The following CDH26 variants were observed in gnomAD, a reference collection of about 807,000 sequenced individuals.
The protein encoded by CDH26 is cadherin 26.
In CDH26, 83 loss-of-function variants were observed where a neutral mutation model predicts 90.3. The ratio of observed to expected loss-of-function variants is 0.92; its 90% CI spans 0.77 to 1.10. The LOEUF (loss-of-function observed/expected upper bound fraction) is 1.10. CDH26 is among the 50% of genes least tolerant of loss of function. The pLI, the probability that CDH26 is intolerant of heterozygous loss-of-function variation, is 0.00. For synonymous variants in CDH26, 397 were observed against 396.3 expected, an observed-to-expected ratio of 1.00 and a Z score of -0.02; for missense variants, 1,013 against 1,037.6, an observed-to-expected ratio of 0.98 and a Z score of 0.33.
intron 4 of CDH26, among the ~76,000 whole-genome samples, chr20:59,977,132 C>T (rs536218758): frequency 9.9e-5 from 15 of 152,228 alleles, no homozygotes; most frequent in Admixed American, 3.3e-4. Flanking sequence ...CCAGGGCTTC[C>T]GCGGGGATGA....
rs760726070 is a variant in CDH26, at chr20:59,994,302, C to G, written c.1479C>G (p.Ile493Met). 1.2e-6 allele frequency: 2 copies of G among 1,613,982 alleles called. No homozygotes were observed. Among genetic ancestry groups the G allele is most frequent in the African/African-American group, 1.3e-5 (1 of 74,954 alleles). Residue 493 changes from isoleucine (I) to methionine (M), a missense_variant, in exon 11 of 18, where the codon ATC (isoleucine) becomes ATG (methionine). Coordinates refer to ENST00000348616, the MANE Select transcript of CDH26 (RefSeq NM_177980.4). ...TGTLMLFLSD[I>M]NDNVPTLRPR... ...CCCTAATGCTCTTCCTGTCTGACATCAATGACAACGTCCCGACTCTCCGGC... is the reference window on the plus strand; with the variant it reads ...CCCTAATGCTCTTCCTGTCTGACATGAATGACAACGTCCCGACTCTCCGGC...
intron 16 of CDH26, among the ~76,000 whole-genome samples, chr20:60,003,856 A>AGTGCAGCCATACATAGTGTGGG (rs1174186882): frequency 2.0e-5 from 3 of 152,202 alleles, no homozygotes; most frequent in African/African-American, 7.2e-5. Flanking sequence ...TCTCAGCCAC[A>AGTGCAGCCATACATAGTGTGGG]GTGCAGCCAT....
intron 4 of CDH26, among the ~76,000 whole-genome samples, chr20:59,974,733 A>G (rs912733085): frequency 6.6e-6 from 1 of 152,172 alleles, no homozygotes; most frequent in Admixed American, 6.5e-5. Context: ...TCATTTAACT[A>G]CAGACTTCCA....
intron 3 of CDH26, 125 bp downstream of exon 3, chr20:59,970,311 A>AG: frequency 7.6e-7 from 1 of 1,312,902 alleles, no homozygotes; most frequent in Non-Finnish European, 1.0e-6. Context: ...GTAGAGCAGA[A>AG]GGAGCACTGG....
At chr20:59,975,247 G>C (rs1237745320) in intron 4 of CDH26, among the ~76,000 whole-genome samples, 1 of 152,156 alleles carries the variant, frequency 6.6e-6, no homozygotes, top group East Asian at 1.9e-4. Flanking sequence ...CCATAACCCA[G>C]TGACCAGTAT....
intron 7 of CDH26, among the ~76,000 whole-genome samples, chr20:60,021,416 C>T (rs6064879): frequency 6.6e-6 from 1 of 152,270 alleles, no homozygotes; most frequent in East Asian, 1.9e-4. Context: ...CCCACAAAGC[C>T]TTCATATTTA....
chr20:59,980,008 G>T (rs1013213235), intron 4 of CDH26, among the ~76,000 whole-genome samples: 3 of 152,128 alleles, frequency 2.0e-5, no homozygotes, highest in African/African-American at 7.2e-5. Context: ...TCACATAAGT[G>T]TATGTTTAAC....
intron 7 of CDH26, among the ~76,000 whole-genome samples, chr20:60,031,015 G>C (rs1374265009): frequency 6.6e-6 from 1 of 152,224 alleles, no homozygotes; most frequent in Non-Finnish European, 1.5e-5. Flanking sequence ...AGGGCTGCTG[G>C]TTGCACATTT....
intron 7 of CDH26, among the ~76,000 whole-genome samples, chr20:60,024,863 A>G (rs1387652950): frequency 6.6e-6 from 1 of 152,222 alleles, no homozygotes; most frequent in African/African-American, 2.4e-5. Context: ...CCTAGCTGTG[A>G]CCAGGTGACT....
At chr20:59,985,918 T>TG (rs1203681138) in intron 7 of CDH26, 2 of 152,252 alleles carry the variant, frequency 1.3e-5, no homozygotes, top group African/African-American at 4.8e-5. Context: ...CCTGTTTACT[T>TG]GGAGTCAGGG....
intron 4 of CDH26, among the ~76,000 whole-genome samples, chr20:59,973,392 T>C (rs775366843): frequency 6.6e-6 from 1 of 151,966 alleles, no homozygotes; most frequent in Non-Finnish European, 1.5e-5. Context: ...TTTCCTTTTA[T>C]TATTATTATT....
At chr20:59,973,079 C>A (rs537216337) in intron 4 of CDH26, among the ~76,000 whole-genome samples, 2 of 152,140 alleles carry the variant, frequency 1.3e-5, no homozygotes, top group Non-Finnish European at 2.9e-5. Flanking sequence ...TTTAACAGTG[C>A]CTGTTAAAAA....
chr20:59,963,685 C>T (rs2061108023), intron 1 of CDH26, among the ~76,000 whole-genome samples: 1 of 152,100 alleles, frequency 6.6e-6, no homozygotes, highest in South Asian at 2.1e-4. Context: ...CAGGGACATT[C>T]TCATCTTCAC....
chr20:60,020,189 G>A (rs1026759817), intron 7 of CDH26, among the ~76,000 whole-genome samples: 2 of 152,206 alleles, frequency 1.3e-5, no homozygotes, highest in South Asian at 4.1e-4. Flanking sequence ...TGGCTGACCT[G>A]GGATCATGCC....
At chr20:60,027,112 C>T (rs920715889) in intron 7 of CDH26, among the ~76,000 whole-genome samples, 6 of 152,096 alleles carry the variant, frequency 3.9e-5, no homozygotes, top group Admixed American at 3.3e-4. Context: ...ACTTAGCTCT[C>T]TGGGGACAGG....
chr20:59,984,722 C>CA lies in CDH26; in HGVS notation c.628dup (p.Thr210AsnfsTer12). ...TCAAGTCCTTTACTTCCTCATTTCT[C>CA]AAACACCATTACTGAAAGAAAGTGG... On this transcript the variant is annotated frameshift_variant, in exon 6 of 18. Transcript: ENST00000348616. LOFTEE classifies it high-confidence loss of function. 1 of 1,614,004 alleles carries CA rather than the reference C, an allele frequency of 6.2e-7. No individual in the cohort carries two copies. The highest frequency in any genetic ancestry group is 8.5e-7 in the Non-Finnish European group (1 of 1,179,902).
chr20:60,001,734 C>T (rs540289813), intron 15 of CDH26: 42 of 651,852 alleles, frequency 6.4e-5, no homozygotes, highest in African/African-American at 3.9e-5. Context: ...GTTAAAAGCA[C>T]AGCACTTTGG....
chr20:60,002,983 G>T (rs2061696276), intron 16 of CDH26, 117 bp downstream of exon 16: 2 of 617,942 alleles, frequency 3.2e-6, no homozygotes, highest in East Asian at 3.1e-5. Flanking sequence ...AAAAAAATAT[G>T]CCCAACATCC....
At position 59,995,954 on chromosome 20, in the gene CDH26, CT is replaced by C; in HGVS notation, c.1789del (p.Cys597ValfsTer137). On this transcript the variant is annotated frameshift_variant, in exon 12 of 18. Transcript: ENST00000348616. LOFTEE classifies it high-confidence loss of function. ...AAACTGTCCATGTAAGGATCTGCCC[CT>C]GTGCCAGTGGGCTCACATGTGTGGA... ...KQTVHVRICP[C>X]ASGLTCVELA... 2 of 1,614,218 alleles carry C rather than the reference CT, an allele frequency of 1.2e-6. No individual in the cohort carries two copies. The highest frequency in any genetic ancestry group is 1.7e-6 in the Non-Finnish European group (2 of 1,180,036).
Sources: gnomAD v4.1 joint callset for allele counts (sites outside exome capture counted in the v4.1 genomes callset) on GRCh38, gnomAD v4.1.1 for gene constraint, MANE v1.5 for transcripts, NCBI Gene and HGNC (gene_info 2026-07-23, HGNC 2026-07-21) for gene names.